The following SLC35G2 variants were observed in gnomAD, a reference collection of about 807,000 sequenced individuals.
SLC35G2 encodes the protein solute carrier family 35 member G2.
A neutral mutation model predicts 27.2 loss-of-function variants in SLC35G2; 20 were observed. The ratio of observed to expected loss-of-function variants is 0.74; its 90% CI spans 0.52 to 1.07. The LOEUF is 1.07. Among genes scored for constraint, SLC35G2 ranks in the 50% least tolerant of loss-of-function variants. The probability of loss-of-function intolerance (pLI) is 0.00; values close to 1 mark genes in which losing one functional copy is unlikely to be tolerated. For missense variants in SLC35G2, 416 were observed against 493.3 expected, an observed-to-expected ratio of 0.84 and a Z score of 1.48; for synonymous variants, 148 against 165.3, an observed-to-expected ratio of 0.90 and a Z score of 0.80.
At chr3:136,843,315 T>A (rs1445416367) in intron 1 of SLC35G2, 3 of 95,546 alleles carry the variant, frequency 3.1e-5, no homozygotes, top group Non-Finnish European at 5.7e-5. Context: ...AGTGCGAGAC[T>A]CTGTCTCAAA....
intron 1 of SLC35G2, among the ~76,000 whole-genome samples, chr3:136,833,288 T>C (rs1016366932): frequency 6.6e-6 from 1 of 152,112 alleles, no homozygotes; most frequent in African/African-American, 2.4e-5. Flanking sequence ...AGAAGACATA[T>C]AGTAGCAGCC....
intron 1 of SLC35G2, among the ~76,000 whole-genome samples, chr3:136,840,571 C>A (rs1414023904): frequency 1.4e-5 from 2 of 145,948 alleles, no homozygotes; most frequent in Non-Finnish European, 3.0e-5. Context: ...CTCTCTTTTC[C>A]TTCCTTCTTT....
chr3:136,854,191 T>C (rs1209916903), intron 1 of SLC35G2, among the ~76,000 whole-genome samples: 2 of 152,160 alleles, frequency 1.3e-5, no homozygotes, highest in Non-Finnish European at 1.5e-5. Flanking sequence ...AGATAGAAGA[T>C]AGAGCTGAAT....
intron 1 of SLC35G2, among the ~76,000 whole-genome samples, chr3:136,831,590 G>A (rs1425341414): frequency 3.3e-5 from 5 of 152,220 alleles, no homozygotes; most frequent in Non-Finnish European, 7.3e-5. Flanking sequence ...AGATTGTTCA[G>A]TGAGAGGTTT....
chr3:136,843,981 C>T (rs1235354739), intron 1 of SLC35G2, among the ~76,000 whole-genome samples: 1 of 152,008 alleles, frequency 6.6e-6, no homozygotes, highest in Non-Finnish European at 1.5e-5. Flanking sequence ...TACTACTTAC[C>T]CTTTGCCCTT....
intron 1 of SLC35G2, chr3:136,819,909 C>T (rs1360301920): frequency 6.6e-6 from 1 of 152,164 alleles, no homozygotes. Context: ...CGCACAGCCT[C>T]CAGCAGCCAC....
rs965484877 is a variant in SLC35G2 at position 136,819,179 on chromosome 3, T to G, written c.-468T>G. ...CCAGGCGAGGGCACGCCCGCGTCAG[T>G]CGCCTCCGGGGCACCTTCCTCGCCA... On this transcript the variant is annotated 5_prime_UTR_variant, in exon 1 of 2. Transcript: ENST00000446465. 1 of 152,140 alleles carries G rather than the reference T, an allele frequency of 6.6e-6. No individual in the cohort carries two copies. Among genetic ancestry groups the G allele is most frequent in the African/African-American group, 2.4e-5 (1 of 41,420 alleles). 9.4% of individuals were successfully genotyped at this position (152,140 alleles called of 1,614,324 possible). A position where few individuals can be genotyped will look rare whatever the true frequency, so the allele number is the denominator to read the frequency against.
intron 1 of SLC35G2, among the ~76,000 whole-genome samples, chr3:136,845,341 C>T (rs1937325433): frequency 6.6e-6 from 1 of 152,122 alleles, no homozygotes; most frequent in Admixed American, 6.5e-5. Context: ...TGAGCAAGCT[C>T]AGATATGGAA....
rs779746913 is a variant in SLC35G2, at chr3:136,855,285, C to G, written c.825C>G (p.Tyr275Ter). 1.5e-5 allele frequency: 24 copies of G among 1,614,064 alleles called. No individual in the cohort carries two copies. The highest frequency in any genetic ancestry group is 1.7e-6 in the Non-Finnish European group (2 of 1,180,012). ...GLTTALSMIV[Y>*]RSIKEKISMW... ...CCACTGCTCTCTCAATGATAGTATA[C>G]AGATCCATCAAGGAGAAGATCAGCA... The change falls in exon 2 of 2, where the codon TAC becomes TAG. Residue 275 changes from tyrosine to a stop codon, truncating the protein, a stop_gained. Coordinates refer to ENST00000446465, the MANE Select transcript of SLC35G2 (RefSeq NM_025246.3). LOFTEE classifies it high-confidence loss of function.
intron 1 of SLC35G2, among the ~76,000 whole-genome samples, chr3:136,821,517 G>C (rs979988854): frequency 6.6e-6 from 1 of 151,994 alleles, no homozygotes; most frequent in Non-Finnish European, 1.5e-5. Context: ...CGTGCTCTCC[G>C]CTCACTGCAA....
intron 1 of SLC35G2, among the ~76,000 whole-genome samples, chr3:136,852,691 C>A (rs1251403142): frequency 2.0e-5 from 3 of 151,864 alleles, no homozygotes; most frequent in Non-Finnish European, 2.9e-5. Context: ...CAGGATTTTA[C>A]CATGTTGGCC....
At chr3:136,847,149 C>A (rs1201418278) in intron 1 of SLC35G2, among the ~76,000 whole-genome samples, 1 of 151,966 alleles carries the variant, frequency 6.6e-6, no homozygotes, top group Non-Finnish European at 1.5e-5. Flanking sequence ...TACATTCTAG[C>A]CTGGGCGACA....
intron 1 of SLC35G2, among the ~76,000 whole-genome samples, chr3:136,836,138 A>C (rs554809680): frequency 6.6e-6 from 1 of 151,982 alleles, no homozygotes; most frequent in South Asian, 2.1e-4. Flanking sequence ...ACACACACCC[A>C]CACACACACC....
intron 1 of SLC35G2, among the ~76,000 whole-genome samples, chr3:136,833,405 A>C (rs1936784829): frequency 6.6e-6 from 1 of 152,156 alleles, no homozygotes; most frequent in Non-Finnish European, 1.5e-5. Context: ...GTTTCTAGTC[A>C]TTGTAGGTGG....
chr3:136,829,228 CTT>C (rs531732492), intron 1 of SLC35G2, among the ~76,000 whole-genome samples: 8 of 144,384 alleles, frequency 5.5e-5, no homozygotes, highest in Non-Finnish European at 6.1e-5. Flanking sequence ...CTTTAGATGA[CTT>C]TTTTTTTTTT....
At chr3:136,831,975 A>G (rs944558760) in intron 1 of SLC35G2, among the ~76,000 whole-genome samples, 7 of 151,988 alleles carry the variant, frequency 4.6e-5, no homozygotes, top group African/African-American at 1.2e-4. Flanking sequence ...GGGGTTAACA[A>G]ACTGTAAACT....
chr3:136,837,265 T>G (rs1279536455), intron 1 of SLC35G2: 1 of 152,204 alleles, frequency 6.6e-6, no homozygotes, highest in Non-Finnish European at 1.5e-5. Context: ...TCAAATTTTC[T>G]CTGTAATGTG....
At position 136,854,738 on chromosome 3, in the gene SLC35G2, T is replaced by C. The variant is rs920283720; in HGVS notation, c.278T>C (p.Phe93Ser). The change falls in exon 2 of 2, where the codon TTT (phenylalanine) becomes TCT (serine). Residue 93 changes from phenylalanine (F) to serine (S), a missense_variant. Coordinates refer to ENST00000446465, the MANE Select transcript of SLC35G2 (RefSeq NM_025246.3). ...MINEIGQFQS[F>S]AEKNIFQSRK... is the part of the protein sequence containing the mutation. ...AATGAGATTGGACAATTCCAGAGCT[T>C]TGCAGAAAAAAACATTTTTCAATCC... 1 of 1,614,034 alleles carries C rather than the reference T, an allele frequency of 6.2e-7. No individual in the cohort carries two copies. Among genetic ancestry groups the C allele is most frequent in the African/African-American group, 1.3e-5 (1 of 74,916 alleles).
chr3:136,853,706 C>G (rs564956882), intron 1 of SLC35G2, among the ~76,000 whole-genome samples: 2 of 152,064 alleles, frequency 1.3e-5, no homozygotes, highest in African/African-American at 2.4e-5. Context: ...AATACGTATT[C>G]TTATTCCCCC....
Sources: gnomAD v4.1 joint callset for allele counts (sites outside exome capture counted in the v4.1 genomes callset) on GRCh38, gnomAD v4.1.1 for gene constraint, MANE v1.5 for transcripts, NCBI Gene and HGNC (gene_info 2026-07-23, HGNC 2026-07-21) for gene names.